The following MACROD2 variants were observed in gnomAD, a reference collection of about 807,000 sequenced individuals.
The protein encoded by MACROD2 is mono-ADP ribosylhydrolase 2, also known as ADP-ribose glycohydrolase MACROD2.
A neutral mutation model predicts 70.4 loss-of-function variants in MACROD2; 36 were observed. That is an observed-to-expected ratio of 0.51 (90% CI 0.39 to 0.68). The LOEUF is 0.68. MACROD2 is among the 30% of genes least tolerant of loss of function. The probability of loss-of-function intolerance (pLI) is 0.00; values close to 1 mark genes in which losing one functional copy is unlikely to be tolerated. For missense variants in MACROD2, 496 were observed against 538.4 expected, an observed-to-expected ratio of 0.92 and a Z score of 0.78; for synonymous variants, 172 against 178.8, an observed-to-expected ratio of 0.96 and a Z score of 0.30.
At chr20:15,729,335 G>T (rs2050909033) in intron 8 of MACROD2, among the ~76,000 whole-genome samples, 1 of 152,202 alleles carries the variant, frequency 6.6e-6, no homozygotes, top group South Asian at 2.1e-4. Context: ...TATGTGCCAT[G>T]TGAAGATTAG....
At chr20:15,163,077 G>A (rs2145877106) in intron 5 of MACROD2, among the ~76,000 whole-genome samples, 1 of 152,080 alleles carries the variant, frequency 6.6e-6, no homozygotes, top group South Asian at 2.1e-4. Flanking sequence ...AAAATAATCT[G>A]TAAAGTCTAG....
At chr20:14,935,849 T>C (rs2074336126) in intron 5 of MACROD2, among the ~76,000 whole-genome samples, 1 of 152,346 alleles carries the variant, frequency 6.6e-6, no homozygotes, top group East Asian at 1.9e-4. Flanking sequence ...TTAATTTTAC[T>C]ATTTGTATTT....
chr20:14,743,121 A>T (rs2071755232), intron 5 of MACROD2, among the ~76,000 whole-genome samples: 1 of 151,448 alleles, frequency 6.6e-6, no homozygotes, highest in Middle Eastern at 3.4e-3. Flanking sequence ...AATAAAACTC[A>T]AATGTATTTT....
intron 5 of MACROD2, among the ~76,000 whole-genome samples, chr20:14,756,027 T>C (rs1568777887): frequency 6.6e-6 from 1 of 152,130 alleles, no homozygotes. Context: ...TCCCTTATCC[T>C]TGCCTCTCTC....
In MACROD2 at chr20:14,705,836, A is replaced by G. The variant is rs2071262387; in HGVS notation, c.418+20877A>G. Among the ~76,000 whole-genome samples the G allele has an allele frequency of 2.0e-5, 3 of 152,164 alleles. No homozygotes were observed. In the South Asian group the frequency reaches 6.2e-4, roughly 32 times the overall value. ...TGATTCTAGATGTTTTGCTTCAAGT[A>G]TCTTTGCCACTGTTTCCTCCTGTGA... On this transcript the variant is annotated intron_variant, in intron 5 of 17. Transcript: ENST00000684519.
intron 3 of MACROD2, among the ~76,000 whole-genome samples, chr20:14,155,398 A>G (rs1601289651): frequency 2.0e-5 from 3 of 152,304 alleles, no homozygotes; most frequent in African/African-American, 7.2e-5. Flanking sequence ...TGTACAATTA[A>G]ATGTTGTTAT....
intron 7 of MACROD2, among the ~76,000 whole-genome samples, chr20:15,436,716 T>A (rs1272180618): frequency 1.2e-5 from 1 of 84,776 alleles, no homozygotes; most frequent in Non-Finnish European, 2.4e-5. Flanking sequence ...ATAAGTTTTC[T>A]TTCATCTTTT....
intron 5 of MACROD2, among the ~76,000 whole-genome samples, chr20:15,177,883 G>A (rs758794459): frequency 1.1e-4 from 16 of 151,532 alleles, no homozygotes; most frequent in South Asian, 1.0e-3. Flanking sequence ...CAATTGGGTC[G>A]TGTATCATTT....
intron 1 of MACROD2, among the ~76,000 whole-genome samples, chr20:14,001,063 C>T (rs1409150737): frequency 1.3e-5 from 2 of 152,048 alleles, no homozygotes; most frequent in Non-Finnish European, 2.9e-5. Flanking sequence ...TTACCTTTTT[C>T]GGGGAGTTTT....
chr20:15,169,218 C>T (rs989025988), intron 5 of MACROD2, among the ~76,000 whole-genome samples: 3 of 152,084 alleles, frequency 2.0e-5, no homozygotes, highest in Admixed American at 6.6e-5. Flanking sequence ...ACAAAAGTAG[C>T]TTGTGTTTGT....
At chr20:15,047,923 G>A (rs1207775513) in intron 5 of MACROD2, among the ~76,000 whole-genome samples, 1 of 152,066 alleles carries the variant, frequency 6.6e-6, no homozygotes, top group Non-Finnish European at 1.5e-5. Flanking sequence ...ATGGAACAGA[G>A]TTTAGCCACC....
chr20:15,182,345 A>T (rs1288604333), intron 5 of MACROD2, among the ~76,000 whole-genome samples: 1 of 152,192 alleles, frequency 6.6e-6, no homozygotes, highest in Non-Finnish European at 1.5e-5. Context: ...AGGGTAAATG[A>T]TTGTGCAATT....
At chr20:14,935,352 G>T (rs552174059) in intron 5 of MACROD2, 1 of 152,050 alleles carries the variant, frequency 6.6e-6, no homozygotes, top group African/African-American at 2.4e-5. Flanking sequence ...TCTAGTAGTA[G>T]CATCTCAGAA....
At chr20:14,535,274 C>T (rs935767206) in intron 4 of MACROD2, among the ~76,000 whole-genome samples, 12 of 151,942 alleles carry the variant, frequency 7.9e-5, no homozygotes, top group South Asian at 2.1e-4. Flanking sequence ...GAGGCTGAGG[C>T]GGGCGGATCA....
intron 3 of MACROD2, among the ~76,000 whole-genome samples, chr20:14,356,445 C>T (rs1185114881): frequency 6.6e-6 from 1 of 151,482 alleles, no homozygotes; most frequent in African/African-American, 2.4e-5. Flanking sequence ...CTCATCTCTG[C>T]TCCACAGGGC....
intron 5 of MACROD2, among the ~76,000 whole-genome samples, chr20:15,027,480 T>C (rs2075240904): frequency 6.6e-6 from 1 of 151,994 alleles, no homozygotes; most frequent in South Asian, 2.1e-4. Context: ...TTCTCAGCTG[T>C]GTAGATGAGA....
chr20:15,385,973 G>T (rs535965086), intron 6 of MACROD2, among the ~76,000 whole-genome samples: 2 of 152,196 alleles, frequency 1.3e-5, no homozygotes, highest in South Asian at 4.1e-4. Flanking sequence ...TAAAATCTTT[G>T]GTGGTTTTTG....
Position 14,971,241 on chromosome 20 carries a change from G to GT in MACROD2, c.419-258691dup, listed in dbSNP as rs577551278. ...GTTCAGTACAGACAGAACCATGCAT[G>GT]TTTTTTTTCTGAATATTTTTGATGG... On this transcript the variant is annotated intron_variant, in intron 5 of 17. Coordinates refer to ENST00000684519, the MANE Select transcript of MACROD2 (RefSeq NM_001351661.2). Among the ~76,000 whole-genome samples the GT allele has an allele frequency of 8.6e-5, 13 of 152,032 alleles. No homozygotes were observed. The East Asian group carries it at 9.7e-4, about 11-fold the overall frequency.
In MACROD2 at chr20:15,210,270, A is replaced by AG. The variant is rs1300038263; in HGVS notation, c.419-19669dup. ...CTTTCCAGTTATTGGTAAGAAAGGCAGTCACAGAGGATTTGTCCAGTGGGA... is the reference window on the plus strand; with the variant it reads ...CTTTCCAGTTATTGGTAAGAAAGGCAGGTCACAGAGGATTTGTCCAGTGGGA... On this transcript the variant is annotated intron_variant, in intron 5 of 17. Coordinates refer to ENST00000684519, the MANE Select transcript of MACROD2 (RefSeq NM_001351661.2). Among the ~76,000 whole-genome samples the AG allele has an allele frequency of 9.8e-5, 15 of 152,360 alleles. No homozygotes were observed. The East Asian group carries it at 2.9e-3, about 29-fold the overall frequency.
Sources: allele counts gnomAD v4.1 joint callset (sites outside exome capture counted in the v4.1 genomes callset), GRCh38; gene constraint gnomAD v4.1.1; transcripts MANE v1.5; gene names NCBI Gene and HGNC (gene_info 2026-07-23, HGNC 2026-07-21).